SNX30: variants seen among roughly 807,000 people sequenced by gnomAD.
SNX30 encodes the protein sorting nexin family member 30.
Under a neutral mutation model 46.4 loss-of-function variants are expected in SNX30, and 24 were observed. That is an observed-to-expected ratio of 0.52 (90% CI 0.37 to 0.73). The LOEUF is 0.73. SNX30 is among the 30% of genes least tolerant of loss of function. SNX30 has a pLI of 0.00. For synonymous variants in SNX30, 189 were observed against 211.5 expected, an observed-to-expected ratio of 0.89 and a Z score of 0.92; for missense variants, 533 against 555.7, an observed-to-expected ratio of 0.96 and a Z score of 0.41.
At position 112,873,400 on chromosome 9, in the gene SNX30, T is replaced by A. The variant is rs765087894; in HGVS notation, c.*4557T>A. ...ATTTGTCCGTACCTACTAATATGCC[T>A]TATTCTTCTTCACCTAGTGTTTTAA... On this transcript the variant is annotated 3_prime_UTR_variant, in exon 9 of 9. Transcript: ENST00000374232. The A allele has an allele frequency of 3.3e-5, 5 of 152,240 alleles. No homozygotes were observed. Among genetic ancestry groups the A allele is most frequent in the Admixed American group, 6.5e-5 (1 of 15,286 alleles). The allele number at this position is 152,240 out of a possible 1,614,324, so 9.4% of individuals were successfully genotyped here.
intron 3 of SNX30, among the ~76,000 whole-genome samples, chr9:112,820,307 T>G (rs538039282): frequency 6.6e-6 from 1 of 152,254 alleles, no homozygotes; most frequent in African/African-American, 2.4e-5. Flanking sequence ...CTGATTTAAG[T>G]ATGAAAGTCA....
chr9:112,867,625 T>C (rs752187255), intron 8 of SNX30, among the ~76,000 whole-genome samples: 4 of 150,774 alleles, frequency 2.7e-5, no homozygotes, highest in Non-Finnish European at 5.9e-5. Context: ...TCCTCCCACC[T>C]CCTCAGAACT....
At position 112,874,847 on chromosome 9, in the gene SNX30, TG is replaced by T. The variant is rs1841500802; in HGVS notation, c.*6005del. On this transcript the variant is annotated 3_prime_UTR_variant, in exon 9 of 9. Coordinates refer to ENST00000374232, the MANE Select transcript of SNX30 (RefSeq NM_001012994.2). ...ATATATCTGTGTATAAAAAAATTGT[TG>T]TTTACTATGGAATTAGTATTACATT... The T allele has an allele frequency of 6.6e-6, 1 of 152,208 alleles. No homozygotes were observed. The highest frequency in any genetic ancestry group is 2.4e-5 in the African/African-American group (1 of 41,458). 9.4% of individuals were successfully genotyped at this position (152,208 alleles called of 1,614,324 possible).
intron 1 of SNX30, among the ~76,000 whole-genome samples, chr9:112,754,346 T>C (rs1000990644): frequency 6.6e-6 from 1 of 152,018 alleles, no homozygotes; most frequent in Non-Finnish European, 1.5e-5. Context: ...GGAGGAATCC[T>C]TTCTATCTAC....
intron 6 of SNX30, among the ~76,000 whole-genome samples, chr9:112,846,297 G>A (rs544377106): frequency 6.6e-6 from 1 of 152,342 alleles, no homozygotes; most frequent in Non-Finnish European, 1.5e-5. Flanking sequence ...ATGAGATTAT[G>A]TATGACTTCT....
chr9:112,787,009 G>A (rs922230267), intron 1 of SNX30, among the ~76,000 whole-genome samples: 2 of 152,054 alleles, frequency 1.3e-5, no homozygotes, highest in Admixed American at 6.6e-5. Flanking sequence ...ACCCACATTC[G>A]GTCTGAGTCA....
At chr9:112,880,672 C>T (rs913431022) in intron 5 of SNX30, among the ~76,000 whole-genome samples, 2 of 152,218 alleles carry the variant, frequency 1.3e-5, no homozygotes, top group East Asian at 1.9e-4. Flanking sequence ...TGCTGCAACT[C>T]CTGCTCTTTC....
chr9:112,821,489 A>G (rs1300262292), intron 3 of SNX30, among the ~76,000 whole-genome samples: 1 of 151,744 alleles, frequency 6.6e-6, no homozygotes, highest in Admixed American at 6.6e-5. Flanking sequence ...ATGTGTGTGT[A>G]TATAATTTTT....
At chr9:112,754,873 ACCT>A (rs1228235034) in intron 1 of SNX30, among the ~76,000 whole-genome samples, 5 of 152,038 alleles carry the variant, frequency 3.3e-5, no homozygotes, top group Admixed American at 1.3e-4. Context: ...TGTGGCTAAC[ACCT>A]CCTCCCACAT....
At chr9:112,764,767 A>G (rs1445021988) in intron 1 of SNX30, among the ~76,000 whole-genome samples, 1 of 152,210 alleles carries the variant, frequency 6.6e-6, no homozygotes, top group Non-Finnish European at 1.5e-5. Flanking sequence ...TGCAAATAAT[A>G]GATATCTAGC....
intron 3 of SNX30, among the ~76,000 whole-genome samples, chr9:112,819,774 A>G (rs142788199): frequency 8.5e-5 from 13 of 152,210 alleles, no homozygotes; most frequent in African/African-American, 3.1e-4. Flanking sequence ...AATCGGGGTA[A>G]TGTGTTTGGG....
intron 2 of SNX30, among the ~76,000 whole-genome samples, chr9:112,807,952 A>G (rs1363505879): frequency 6.6e-6 from 1 of 152,208 alleles, no homozygotes; most frequent in Admixed American, 6.5e-5. Flanking sequence ...TGATGCCAGC[A>G]CCTCAAGATA....
At chr9:112,841,346 G>A (rs113439643) in intron 6 of SNX30, among the ~76,000 whole-genome samples, 3 of 152,342 alleles carry the variant, frequency 2.0e-5, no homozygotes, top group African/African-American at 7.2e-5. Flanking sequence ...GACATAGCTT[G>A]TGTAATTTAA....
At chr9:112,842,093 A>T (rs1243682607) in intron 6 of SNX30, among the ~76,000 whole-genome samples, 2 of 152,202 alleles carry the variant, frequency 1.3e-5, no homozygotes, top group South Asian at 2.1e-4. Context: ...AGAGGTGCAC[A>T]TCACCACGCC....
At chr9:112,795,400 G>T (rs1435259250) in intron 1 of SNX30, among the ~76,000 whole-genome samples, 3 of 152,200 alleles carry the variant, frequency 2.0e-5, no homozygotes, top group African/African-American at 7.2e-5. Flanking sequence ...AGCCTCAGTT[G>T]CTTGTCCTTC....
At chr9:112,834,247 C>T (rs2131451409) in intron 4 of SNX30, among the ~76,000 whole-genome samples, 1 of 152,172 alleles carries the variant, frequency 6.6e-6, no homozygotes, top group Admixed American at 6.5e-5. Context: ...ACATTATTTG[C>T]CTGGACATAG....
chr9:112,838,468 G>C (rs889470860), intron 5 of SNX30, 30 bp from the exon 6 acceptor site: 11 of 1,579,136 alleles, frequency 7.0e-6, no homozygotes, highest in Non-Finnish European at 9.5e-6. Context: ...TACCCAGCCA[G>C]ATTTTAATTA....
downstream of SNX30, chr9:112,875,725 G>T (rs1280629511): frequency 6.6e-6 from 1 of 152,168 alleles, no homozygotes; most frequent in Non-Finnish European, 1.5e-5. Context: ...TTATCCTTAA[G>T]GATATGGCCA....
At chr9:112,852,492 C>T (rs910665277) in intron 7 of SNX30, among the ~76,000 whole-genome samples, 1 of 152,122 alleles carries the variant, frequency 6.6e-6, no homozygotes, top group Non-Finnish European at 1.5e-5. Flanking sequence ...CTGATCCCCA[C>T]CCCACCCCAC....
Sources: allele counts gnomAD v4.1 joint callset (sites outside exome capture counted in the v4.1 genomes callset), GRCh38; gene constraint gnomAD v4.1.1; transcripts MANE v1.5; gene names NCBI Gene and HGNC (gene_info 2026-07-23, HGNC 2026-07-21).